Variants in IGSF21 observed in about 807,000 individuals in gnomAD.
The protein encoded by IGSF21 is immunoglobulin superfamily member 21.
A neutral mutation model predicts 46.8 loss-of-function variants in IGSF21; 28 were observed. That is an observed-to-expected ratio of 0.60 (90% CI 0.44 to 0.82). IGSF21 has a LOEUF of 0.82. IGSF21 is among the 40% of genes least tolerant of loss of function. The pLI is 0.00. For missense variants in IGSF21, 624 were observed against 665.5 expected (o/e 0.94, Z 0.69); for synonymous variants, 284 against 273.6 (o/e 1.04, Z -0.38).
intron 1 of IGSF21, among the ~76,000 whole-genome samples, chr1:18,152,852 T>C (rs2086533201): frequency 6.6e-6 from 1 of 152,182 alleles, no homozygotes; most frequent in African/African-American, 2.4e-5. Context: ...TGCCAGTTAG[T>C]AGCTGTGTAA....
intron 1 of IGSF21, among the ~76,000 whole-genome samples, chr1:18,150,298 G>A (rs1040410712): frequency 7.2e-5 from 11 of 152,190 alleles, no homozygotes; most frequent in African/African-American, 2.4e-4. Context: ...CTGCTGCCAC[G>A]TGCTCTAAGG....
At chr1:18,325,917 G>A (rs945051489) in intron 3 of IGSF21, among the ~76,000 whole-genome samples, 4 of 148,608 alleles carry the variant, frequency 2.7e-5, no homozygotes, top group African/African-American at 1.1e-4. Context: ...GGCTGAGCAG[G>A]TGCACACCTG....
intron 3 of IGSF21, among the ~76,000 whole-genome samples, chr1:18,333,172 G>A (rs890077911): frequency 6.6e-6 from 1 of 152,196 alleles, no homozygotes; most frequent in African/African-American, 2.4e-5. Flanking sequence ...GTCCTTGTCA[G>A]GCAGGTTAGT....
At chr1:18,163,169 T>C (rs1418532665) in intron 1 of IGSF21, among the ~76,000 whole-genome samples, 2 of 152,082 alleles carry the variant, frequency 1.3e-5, no homozygotes, top group African/African-American at 4.8e-5. Context: ...GCTTCACTTC[T>C]GTGAGCCCGT....
intron 1 of IGSF21, among the ~76,000 whole-genome samples, chr1:18,195,824 C>G (rs1352231600): frequency 6.6e-6 from 1 of 152,192 alleles, no homozygotes; most frequent in Non-Finnish European, 1.5e-5. Flanking sequence ...GGGACCAAGA[C>G]TCATAAACAG....
chr1:18,359,372 A>AAG (rs1166597814), intron 4 of IGSF21, among the ~76,000 whole-genome samples: 5 of 111,452 alleles, frequency 4.5e-5, no homozygotes, highest in Non-Finnish European at 7.5e-5. Flanking sequence ...GAAAGAAAGA[A>AAG]AGAAAGAAAG....
At chr1:18,173,516 G>A (rs1393255891) in intron 1 of IGSF21, among the ~76,000 whole-genome samples, 9 of 152,132 alleles carry the variant, frequency 5.9e-5, no homozygotes, top group African/African-American at 2.2e-4. Flanking sequence ...CCACCCACCT[G>A]CTTCCTGTCC....
At chr1:18,347,743 G>A (rs1183797133) in intron 4 of IGSF21, among the ~76,000 whole-genome samples, 1 of 152,176 alleles carries the variant, frequency 6.6e-6, no homozygotes, top group Non-Finnish European at 1.5e-5. Context: ...ACAGTTTTTG[G>A]TGCATCTTGT....
chr1:18,301,221 C>T (rs953568391), intron 3 of IGSF21, among the ~76,000 whole-genome samples: 2 of 152,200 alleles, frequency 1.3e-5, no homozygotes, highest in Non-Finnish European at 2.9e-5. Flanking sequence ...GGGTTAACGC[C>T]CAAGCTGTGG....
At chr1:18,118,007 G>A (rs952170592) in intron 1 of IGSF21, among the ~76,000 whole-genome samples, 5 of 152,322 alleles carry the variant, frequency 3.3e-5, no homozygotes, top group African/African-American at 1.2e-4. Context: ...CTGGCATGGG[G>A]AAGCCTCTGG....
In IGSF21 at chr1:18,273,442, CTCA is replaced by C. The variant is rs1458815809; in HGVS notation, c.184-18423_184-18421del. On this transcript the variant is annotated intron_variant, in intron 2 of 9. Transcript: ENST00000251296. ...TTCCTTTCCTTTCCTTTCTTTCTTT[CTCA>C]CTTTCTTTCTTTCTCTCTCTTTCTT... Among the ~76,000 whole-genome samples the C allele has an allele frequency of 2.2e-3, 204 of 94,348 alleles. 4 individuals carry two copies. The highest frequency in any genetic ancestry group is 6.2e-3 in the African/African-American group (140 of 22,480). 61.9% of individuals were successfully genotyped at this position (94,348 alleles called of 152,430 possible). A position where few individuals can be genotyped will look rare whatever the true frequency, so the allele number is the denominator to read the frequency against.
intron 2 of IGSF21, among the ~76,000 whole-genome samples, chr1:18,252,044 CGTTTTTT>C (rs1206167223): frequency 5.1e-5 from 5 of 98,998 alleles, no homozygotes; most frequent in African/African-American, 1.8e-4. Flanking sequence ...CTGACCAAGG[CGTTTTTT>C]TTTTTTTTTT....
Position 18,186,287 on chromosome 1 carries a change from G to A in IGSF21, c.71-41611G>A, listed in dbSNP as rs540884922. Among the ~76,000 whole-genome samples, 20 of 152,314 alleles carry A rather than the reference G, an allele frequency of 1.3e-4. 1 individual carries two copies. Among genetic ancestry groups the A allele is most frequent in the Middle Eastern group, 3.4e-3 (1 of 294 alleles). On this transcript the variant is annotated intron_variant, in intron 1 of 9. Coordinates refer to ENST00000251296, the MANE Select transcript of IGSF21 (RefSeq NM_032880.5). Reference sequence around the variant, plus strand: ...TAAATCTTGCCCCCAACAGTGAGTTGCTGGATGATTGGGAAATGGATTGTT... The same window carrying A: ...TAAATCTTGCCCCCAACAGTGAGTTACTGGATGATTGGGAAATGGATTGTT...
At chr1:18,110,189 A>C (rs1417706061) in intron 1 of IGSF21, 4 of 152,278 alleles carry the variant, frequency 2.6e-5, no homozygotes, top group Admixed American at 6.5e-5. Context: ...GCTCAGGATG[A>C]AGGAAGAGCG....
intron 4 of IGSF21, among the ~76,000 whole-genome samples, chr1:18,343,260 T>C (rs2085860900): frequency 6.6e-6 from 1 of 152,222 alleles, no homozygotes; most frequent in African/African-American, 2.4e-5. Flanking sequence ...GAGAAACATC[T>C]ACTCAGAGCC....
At chr1:18,129,333 G>A (rs2086298954) in intron 1 of IGSF21, among the ~76,000 whole-genome samples, 2 of 152,114 alleles carry the variant, frequency 1.3e-5, no homozygotes, top group African/African-American at 2.4e-5. Context: ...GAGAGGAGGT[G>A]AGAGGCAGGA....
chr1:18,275,155 C>G (rs1343063968), intron 2 of IGSF21, among the ~76,000 whole-genome samples: 1 of 152,230 alleles, frequency 6.6e-6, no homozygotes. Context: ...CTTAAACCAA[C>G]TGCAGAGCCC....
In IGSF21 at chr1:18,109,272, G is replaced by A. The variant is rs2086120531; in HGVS notation, c.70+1074G>A. ...AAGAGCCGCAGGCACCGAGACTACA[G>A]GCTCCGCGTCCGGGATCCTCCTCGG... On this transcript the variant is annotated intron_variant, in intron 1 of 9. Coordinates refer to ENST00000251296, the MANE Select transcript of IGSF21 (RefSeq NM_032880.5). This position sits in a 1 kb window ranked among gnomAD's most constrained non-coding sequence, Gnocchi z 4.8. 2 of 152,120 alleles carry A rather than the reference G, an allele frequency of 1.3e-5. No individual in the cohort carries two copies. Among genetic ancestry groups the A allele is most frequent in the African/African-American group, 4.8e-5 (2 of 41,412 alleles). The allele number at this position is 152,120 out of a possible 1,614,324, so 9.4% of individuals were successfully genotyped here.
chr1:18,226,553 T>C (rs12033031), intron 1 of IGSF21, among the ~76,000 whole-genome samples: 32,573 of 152,186 alleles, frequency 0.21, 4,240 homozygotes, highest in Non-Finnish European at 0.29. Context: ...TGGAGTGAGC[T>C]CCTTGCCTTG....
Sources: gnomAD v4.1 joint callset for allele counts (sites outside exome capture counted in the v4.1 genomes callset) on GRCh38, gnomAD v4.1.1 for gene constraint, Gnocchi (gnomAD v3.1) non-coding constraint, MANE v1.5 for transcripts, NCBI Gene and HGNC (gene_info 2026-07-23, HGNC 2026-07-21) for gene names.